Variants in FOXK2 observed in about 807,000 individuals in gnomAD.
The protein encoded by FOXK2 is forkhead box K2.
In FOXK2, 24 loss-of-function variants were observed where a neutral mutation model predicts 53.3. That is an observed-to-expected ratio of 0.45 (90% CI 0.33 to 0.63). The LOEUF is 0.63. FOXK2 is among the 30% of genes least tolerant of loss of function. The pLI is 0.03. For synonymous variants in FOXK2, 505 were observed against 407.1 expected, an observed-to-expected ratio of 1.24 and a Z score of -2.89; for missense variants, 952 against 910.5, an observed-to-expected ratio of 1.05 and a Z score of -0.59.
intron 1 of FOXK2, among the ~76,000 whole-genome samples, chr17:82,539,227 G>A (rs2044550919): frequency 6.7e-6 from 1 of 150,352 alleles, no homozygotes; most frequent in South Asian, 2.1e-4. Flanking sequence ...AGCACTGTAA[G>A]GTGGCCGGGC....
At chr17:82,596,136 G>C in intron 8 of FOXK2, 1 of 1,036,980 alleles carries the variant, frequency 9.6e-7, no homozygotes, top group South Asian at 3.1e-5. Flanking sequence ...GACCGCGATT[G>C]CAGGGAGGAG....
chr17:82,542,353 C>T (rs1039667470), intron 1 of FOXK2, among the ~76,000 whole-genome samples: 14 of 152,056 alleles, frequency 9.2e-5, no homozygotes, highest in Middle Eastern at 3.4e-3. Flanking sequence ...TTAGTAGAGA[C>T]GGGATTTCAC....
chr17:82,551,874 C>T (rs183591094), intron 1 of FOXK2, among the ~76,000 whole-genome samples: 6 of 152,206 alleles, frequency 3.9e-5, no homozygotes, highest in Non-Finnish European at 7.4e-5. Flanking sequence ...CAGACCTCCT[C>T]CAAGGAGGGG....
At chr17:82,572,354 G>A (rs186711313) in intron 4 of FOXK2, among the ~76,000 whole-genome samples, 37 of 152,300 alleles carry the variant, frequency 2.4e-4, no homozygotes, top group Non-Finnish European at 4.4e-4. Context: ...CCAGTTGGCC[G>A]GGGTAAAAAA....
intron 8 of FOXK2, among the ~76,000 whole-genome samples, chr17:82,594,408 G>C (rs1175876321): frequency 2.0e-5 from 3 of 150,276 alleles, no homozygotes; most frequent in Admixed American, 6.7e-5. Flanking sequence ...TGAGGCAGGA[G>C]AATGGCATGA....
intron 1 of FOXK2, among the ~76,000 whole-genome samples, chr17:82,556,899 C>T (rs1410037031): frequency 6.6e-6 from 1 of 152,020 alleles, no homozygotes; most frequent in Admixed American, 6.6e-5. Context: ...GTCAGGGTCT[C>T]ACCATGTTGG....
chr17:82,554,561 A>G (rs375107473), intron 1 of FOXK2, among the ~76,000 whole-genome samples: 1 of 152,172 alleles, frequency 6.6e-6, no homozygotes, highest in Admixed American at 6.5e-5. Flanking sequence ...CCCTCTGAAC[A>G]GGTTTGAAAC....
chr17:82,545,084 G>A (rs2044612025), intron 1 of FOXK2, among the ~76,000 whole-genome samples: 1 of 152,052 alleles, frequency 6.6e-6, no homozygotes, highest in Admixed American at 6.6e-5. Context: ...TTCTCACTTG[G>A]ACTTCTGGAG....
At chr17:82,536,871 A>G (rs1394418404) in intron 1 of FOXK2, among the ~76,000 whole-genome samples, 1 of 152,180 alleles carries the variant, frequency 6.6e-6, no homozygotes, top group East Asian at 1.9e-4. Context: ...TGAGAGTTAA[A>G]TGGGTTTGAA....
At chr17:82,557,976 G>T (rs1185643393) in intron 1 of FOXK2, among the ~76,000 whole-genome samples, 1 of 152,094 alleles carries the variant, frequency 6.6e-6, no homozygotes, top group Non-Finnish European at 1.5e-5. Flanking sequence ...TAAATGCCCT[G>T]TGCTCCTGAG....
At chr17:82,597,388 AC>A (rs1312470618) in intron 8 of FOXK2, among the ~76,000 whole-genome samples, 2 of 151,620 alleles carry the variant, frequency 1.3e-5, no homozygotes, top group East Asian at 3.9e-4. Flanking sequence ...CTTGTGGCCC[AC>A]CCCGGGGCTG....
intron 1 of FOXK2, among the ~76,000 whole-genome samples, chr17:82,551,185 C>T (rs576296185): frequency 2.6e-5 from 4 of 151,936 alleles, no homozygotes; most frequent in East Asian, 1.9e-4. Context: ...GGCGTGGTGG[C>T]GGGCACCTGT....
intron 1 of FOXK2, among the ~76,000 whole-genome samples, chr17:82,555,134 C>T (rs759613115): frequency 5.9e-5 from 9 of 152,192 alleles, no homozygotes; most frequent in Non-Finnish European, 1.3e-4. Flanking sequence ...AGCCTAGTGT[C>T]TTCCAGACAC....
At chr17:82,523,755 G>A (rs1040813354) in intron 1 of FOXK2, among the ~76,000 whole-genome samples, 6 of 151,916 alleles carry the variant, frequency 3.9e-5, no homozygotes, top group African/African-American at 9.7e-5. Flanking sequence ...GGGATTACAG[G>A]TGTGAGCCAC....
chr17:82,582,096 A>C (rs1176408476), intron 4 of FOXK2, among the ~76,000 whole-genome samples: 1 of 152,168 alleles, frequency 6.6e-6, no homozygotes, highest in Admixed American at 6.5e-5. Flanking sequence ...ATGGCATGAC[A>C]GATTCTGTAA....
chr17:82,581,300 T>TA (rs1259111750), intron 4 of FOXK2, among the ~76,000 whole-genome samples: 2 of 152,152 alleles, frequency 1.3e-5, no homozygotes, highest in Non-Finnish European at 2.9e-5. Flanking sequence ...TGTCAACTCT[T>TA]AGCTGGGCTT....
chr17:82,587,867 G>A (rs1373249820), intron 8 of FOXK2, among the ~76,000 whole-genome samples: 1 of 152,204 alleles, frequency 6.6e-6, no homozygotes, highest in Admixed American at 6.5e-5. Context: ...TCAGGTGTGG[G>A]CTCCCGCTGC....
intron 4 of FOXK2, among the ~76,000 whole-genome samples, chr17:82,573,120 G>A (rs1037688473): frequency 8.5e-5 from 13 of 152,154 alleles, no homozygotes; most frequent in Middle Eastern, 3.4e-3. Context: ...CTGAGCCCAG[G>A]AAGCAGAGGT....
intron 6 of FOXK2, 91 bp downstream of exon 6, chr17:82,584,279 G>C: frequency 1.5e-6 from 2 of 1,344,772 alleles, no homozygotes; most frequent in Non-Finnish European, 2.0e-6. Context: ...CCGGACTGGA[G>C]GCCTGCCTGT....
Sources: allele counts gnomAD v4.1 joint callset (sites outside exome capture counted in the v4.1 genomes callset), GRCh38; gene constraint gnomAD v4.1.1; transcripts MANE v1.5; gene names NCBI Gene and HGNC (gene_info 2026-07-23, HGNC 2026-07-21).